TYW5: variants seen among roughly 807,000 people sequenced by gnomAD.
The protein encoded by TYW5 is tRNA wybutosine-synthesizing protein 5.
TYW5 carries 36 observed loss-of-function variants against 44.4 expected under a neutral mutation model. That is an observed-to-expected ratio of 0.81 (90% confidence interval 0.62 to 1.07). The LOEUF (loss-of-function observed/expected upper bound fraction) is 1.07. Ranked by LOEUF, TYW5 falls within the 50% of genes least tolerant of loss-of-function variation. TYW5 has a pLI of 0.00. For missense variants in TYW5, 354 were observed against 365.7 expected, an observed-to-expected ratio of 0.97 and a Z score of 0.26; for synonymous variants, 121 against 128.1, an observed-to-expected ratio of 0.94 and a Z score of 0.37.
At chr2:199,936,703 A>C (rs1376752067) in intron 5 of TYW5, among the ~76,000 whole-genome samples, 1 of 152,220 alleles carries the variant, frequency 6.6e-6, no homozygotes, top group Non-Finnish European at 1.5e-5. Flanking sequence ...AAATGGGAAG[A>C]CTTGGCAAAT....
intron 3 of TYW5, 31 bp downstream of exon 3, chr2:199,943,734 G>A: frequency 1.9e-6 from 3 of 1,538,844 alleles, no homozygotes; most frequent in Non-Finnish European, 2.7e-6. Flanking sequence ...AGATATTAAT[G>A]CCTTCTTTTA....
chr2:199,934,422 C>G (rs1367639632), intron 7 of TYW5, among the ~76,000 whole-genome samples: 1 of 151,164 alleles, frequency 6.6e-6, no homozygotes, highest in Non-Finnish European at 1.5e-5. Context: ...TCCCAAGATA[C>G]AAAAACCAAA....
At chr2:199,942,398 T>G (rs1418113016) in intron 3 of TYW5, 8 of 152,240 alleles carry the variant, frequency 5.3e-5, no homozygotes, top group Non-Finnish European at 1.2e-4. Flanking sequence ...CATCTCAGCA[T>G]CTGCTTCTTA....
chr2:199,948,929 T>G (rs1483733150), intron 1 of TYW5, among the ~76,000 whole-genome samples: 1 of 152,238 alleles, frequency 6.6e-6, no homozygotes, highest in African/African-American at 2.4e-5. Flanking sequence ...AAATTAAGCA[T>G]AATTTTGTTT....
chr2:199,943,925 G>T, intron 2 of TYW5, 91 bp from the exon 3 acceptor site: 3 of 812,652 alleles, frequency 3.7e-6, no homozygotes, highest in South Asian at 2.1e-5. Flanking sequence ...TGCTGGAGTT[G>T]GATATAATCT....
Position 199,943,548 on chromosome 2 carries a change from TTTCA to T in TYW5, c.303+213_303+216del. ...AAAATAGGTACTATTATCACCCCCA[TTTCA>T]CAGATGAGTATACTGAAGTACAGAA... On this transcript the variant is annotated intron_variant, in intron 3 of 7. Coordinates refer to ENST00000354611, the MANE Select transcript of TYW5 (RefSeq NM_001039693.3). 3 of 444,418 alleles carry T rather than the reference TTTCA, an allele frequency of 6.8e-6. No homozygotes were observed. The East Asian group carries it at 1.2e-4, about 17-fold the overall frequency. 27.5% of individuals were successfully genotyped at this position (444,418 alleles called of 1,614,324 possible).
chr2:199,939,928 C>A (rs1291191359), intron 4 of TYW5, among the ~76,000 whole-genome samples, 161 bp downstream of exon 4: 1 of 152,118 alleles, frequency 6.6e-6, no homozygotes, highest in Non-Finnish European at 1.5e-5. Context: ...ACTTTTTAAT[C>A]ATCTTACTTC....
At chr2:199,954,212 C>A (rs1310907306) in intron 1 of TYW5, among the ~76,000 whole-genome samples, 1 of 151,990 alleles carries the variant, frequency 6.6e-6, no homozygotes, top group East Asian at 1.9e-4. Flanking sequence ...GCAGATCCTC[C>A]GACCTCAGCC....
chr2:199,934,765 A>C (rs564005777), intron 7 of TYW5, among the ~76,000 whole-genome samples: 3 of 152,076 alleles, frequency 2.0e-5, no homozygotes, highest in African/African-American at 7.2e-5. Flanking sequence ...TTTAATTTTA[A>C]TTATGATTTT....
At chr2:199,952,579 A>G (rs1051352205) in intron 1 of TYW5, among the ~76,000 whole-genome samples, 1 of 152,202 alleles carries the variant, frequency 6.6e-6, no homozygotes, top group Non-Finnish European at 1.5e-5. Context: ...CCTTTATATG[A>G]GATAAATGTT....
At chr2:199,948,604 C>G in intron 1 of TYW5, 132 bp from the exon 2 acceptor site, 1 of 806,186 alleles carries the variant, frequency 1.2e-6, no homozygotes, top group South Asian at 1.8e-5. Context: ...CTCAAAGCTT[C>G]TGACAGTTCA....
At chr2:199,936,620 G>A (rs1354160304) in intron 5 of TYW5, 128 bp from the exon 6 acceptor site, 1 of 684,722 alleles carries the variant, frequency 1.5e-6, no homozygotes. Context: ...GACTCTTACA[G>A]TTACCTAACA....
intron 2 of TYW5, chr2:199,946,308 A>G (rs2105706435): frequency 6.6e-6 from 1 of 152,308 alleles, no homozygotes; most frequent in East Asian, 1.9e-4. Context: ...AGTCATCAAC[A>G]TTTTAAAAAA....
chr2:199,951,380 C>A (rs187430033), intron 1 of TYW5, among the ~76,000 whole-genome samples: 1 of 152,310 alleles, frequency 6.6e-6, no homozygotes, highest in African/African-American at 2.4e-5. Flanking sequence ...GGTAACTTCT[C>A]CCTCTCCCAC....
chr2:199,931,693 A>G lies in TYW5; in HGVS notation c.*1374T>C, dbSNP rs1266239436. The G allele has an allele frequency of 6.6e-6, 1 of 152,180 alleles. No homozygotes were observed. The highest frequency in any genetic ancestry group is 2.4e-5 in the African/African-American group (1 of 41,446). The allele number at this position is 152,180 out of a possible 1,614,324, so 9.4% of individuals were successfully genotyped here. On this transcript the variant is annotated 3_prime_UTR_variant, in exon 8 of 8. Transcript: ENST00000354611. ...TTATATATGCTTTTCCTTATTTACT[A>G]TAATTTATAGGACATGAGTGGATGG...
Position 199,932,066 on chromosome 2 carries a change from A to T in TYW5, c.*1001T>A, listed in dbSNP as rs2077382647. 6.6e-6 allele frequency: 1 copy of T among 152,178 alleles called. No homozygotes were observed. The highest frequency in any genetic ancestry group is 6.5e-5 in the Admixed American group (1 of 15,278). 9.4% of individuals were successfully genotyped at this position (152,178 alleles called of 1,614,324 possible). A position where few individuals can be genotyped will look rare whatever the true frequency, so the allele number is the denominator to read the frequency against. On this transcript the variant is annotated 3_prime_UTR_variant, in exon 8 of 8. Coordinates refer to ENST00000354611, the MANE Select transcript of TYW5 (RefSeq NM_001039693.3). The stretch of plus-strand genomic sequence containing the variant: ...CATTCAAAAACCAAAAACCACCCTG[A>T]CATACTGGGTGGCAAGAAAAGTCAA...
At chr2:199,954,721 G>A (rs1164434030) in intron 1 of TYW5, among the ~76,000 whole-genome samples, 1 of 152,114 alleles carries the variant, frequency 6.6e-6, no homozygotes. Flanking sequence ...CACCGCGCCC[G>A]GCCCCAGAAC....
Position 199,932,537 on chromosome 2 carries a change from A to G in TYW5, c.*530T>C. On this transcript the variant is annotated 3_prime_UTR_variant, in exon 8 of 8. Transcript: ENST00000354611. ...GAGCAATGAGACCTAAGGATATGGA[A>G]AGTGAATTCTGGGAAAGCTTTCTCA... The G allele has an allele frequency of 6.4e-6, 1 of 157,136 alleles. No homozygotes were observed. The highest frequency in any genetic ancestry group is 1.4e-5 in the Non-Finnish European group (1 of 70,988). 9.7% of individuals were successfully genotyped at this position (157,136 alleles called of 1,614,324 possible). A position where few individuals can be genotyped will look rare whatever the true frequency, so the allele number is the denominator to read the frequency against.
intron 5 of TYW5, 57 bp downstream of exon 5, chr2:199,938,861 GAAACTGTGACTGTTA>G: frequency 6.8e-7 from 1 of 1,464,562 alleles, no homozygotes; most frequent in Non-Finnish European, 9.1e-7. Context: ...ATAGGAAGTT[GAAACTGTGACTGTTA>G]AATCTATAAT....
Sources: allele counts gnomAD v4.1 joint callset (sites outside exome capture counted in the v4.1 genomes callset), GRCh38; gene constraint gnomAD v4.1.1; transcripts MANE v1.5; gene names NCBI Gene and HGNC (gene_info 2026-07-23, HGNC 2026-07-21).